Variants in MYO3B observed in about 807,000 individuals in gnomAD.
MYO3B encodes myosin IIIB, also known as myosin-IIIb.
Under a neutral mutation model 174.6 loss-of-function variants are expected in MYO3B, and 156 were observed. That is an observed-to-expected ratio of 0.89 (90% CI 0.78 to 1.02). The LOEUF (loss-of-function observed/expected upper bound fraction) is 1.02, where lower values mean the gene tolerates loss of function less well. MYO3B is among the 50% of genes least tolerant of loss of function. The probability of loss-of-function intolerance (pLI) is 0.00; values close to 1 mark genes in which losing one functional copy is unlikely to be tolerated. For synonymous variants in MYO3B, 563 were observed against 569.1 expected, an observed-to-expected ratio of 0.99 and a Z score of 0.15; for missense variants, 1,632 against 1,639.4, an observed-to-expected ratio of 1.00 and a Z score of 0.08.
intron 32 of MYO3B, among the ~76,000 whole-genome samples, chr2:170,587,350 G>A (rs560053977): frequency 8.5e-5 from 13 of 152,236 alleles, no homozygotes; most frequent in Admixed American, 7.8e-4. Context: ...TTAATCTCAT[G>A]TTGTTTTGTT....
Position 170,402,910 on chromosome 2 carries a change from G to C in MYO3B, c.2192G>C (p.Arg731Thr), listed in dbSNP as rs2094487170. ...LDIFGFENFQ[R>T]NSFEQLCINI... is the part of the protein sequence containing the mutation. Reference sequence around the variant, plus strand: ...ATCTTTGGATTCGAGAATTTTCAGAGAAATTCATTTGAGCAGCTCTGCATA... The same window carrying C: ...ATCTTTGGATTCGAGAATTTTCAGACAAATTCATTTGAGCAGCTCTGCATA... Residue 731 changes from arginine to threonine, a missense_variant, in exon 19 of 35, where the codon AGA becomes ACA. Transcript: ENST00000408978. 1.4e-5 allele frequency: 23 copies of C among 1,612,006 alleles called. No individual in the cohort carries two copies. Among genetic ancestry groups the C allele is most frequent in the Non-Finnish European group, 2.0e-5 (23 of 1,178,494 alleles).
chr2:170,189,584 CT>C (rs1200007642), intron 1 of MYO3B, among the ~76,000 whole-genome samples: 1 of 151,762 alleles, frequency 6.6e-6, no homozygotes, highest in African/African-American at 2.4e-5. Flanking sequence ...CTCACTCATT[CT>C]TTCTTCTGCT....
At chr2:170,250,057 A>G (rs1464438588) in intron 7 of MYO3B, among the ~76,000 whole-genome samples, 1 of 152,158 alleles carries the variant, frequency 6.6e-6, no homozygotes, top group Non-Finnish European at 1.5e-5. Context: ...ATTCAAAATT[A>G]CCATGAAGAC....
intron 7 of MYO3B, among the ~76,000 whole-genome samples, chr2:170,286,622 G>A (rs1404594775): frequency 6.6e-6 from 1 of 151,998 alleles, no homozygotes; most frequent in Non-Finnish European, 1.5e-5. Flanking sequence ...GAGTTATCTG[G>A]AATTGCATAG....
chr2:170,244,168 G>A (rs2093165779), intron 7 of MYO3B, among the ~76,000 whole-genome samples: 1 of 152,166 alleles, frequency 6.6e-6, no homozygotes, highest in South Asian at 2.1e-4. Flanking sequence ...CGTATGACTG[G>A]TCTTGGCTGC....
At chr2:170,355,379 T>C (rs2094112329) in intron 8 of MYO3B, among the ~76,000 whole-genome samples, 1 of 152,246 alleles carries the variant, frequency 6.6e-6, no homozygotes, top group South Asian at 2.1e-4. Flanking sequence ...TCAATTTTAG[T>C]CTTTACCAAA....
chr2:170,340,686 A>G (rs911650939), intron 8 of MYO3B: 1 of 152,168 alleles, frequency 6.6e-6, no homozygotes. Context: ...AACTGGGGAA[A>G]ACTTAGCAAG....
chr2:170,455,664 CTATT>C (rs1683864152), intron 23 of MYO3B, among the ~76,000 whole-genome samples: 1 of 152,172 alleles, frequency 6.6e-6, no homozygotes, highest in Non-Finnish European at 1.5e-5. Flanking sequence ...GTTTTGATAA[CTATT>C]TAAAATTCCA....
chr2:170,614,134 A>G (rs1245203869), intron 32 of MYO3B, among the ~76,000 whole-genome samples: 2 of 152,128 alleles, frequency 1.3e-5, no homozygotes, highest in African/African-American at 2.4e-5. Context: ...GCAATGGGGC[A>G]TAACAAAGGG....
chr2:170,603,636 T>G (rs1027336571), intron 32 of MYO3B, among the ~76,000 whole-genome samples: 1 of 152,216 alleles, frequency 6.6e-6, no homozygotes, highest in Non-Finnish European at 1.5e-5. Flanking sequence ...AGGATGACAG[T>G]TGTCTACTTC....
At chr2:170,616,255 C>G (rs1028663455) in intron 32 of MYO3B, among the ~76,000 whole-genome samples, 1 of 152,144 alleles carries the variant, frequency 6.6e-6, no homozygotes, top group Non-Finnish European at 1.5e-5. Flanking sequence ...CCTATCTTAT[C>G]CATACGGACA....
intron 7 of MYO3B, among the ~76,000 whole-genome samples, chr2:170,289,512 C>A (rs1291613660): frequency 6.6e-6 from 1 of 151,940 alleles, no homozygotes; most frequent in Non-Finnish European, 1.5e-5. Flanking sequence ...TTGTTCATAA[C>A]CATCTCTGAT....
At chr2:170,364,938 C>T (rs2094186997) in intron 8 of MYO3B, among the ~76,000 whole-genome samples, 1 of 152,194 alleles carries the variant, frequency 6.6e-6, no homozygotes, top group South Asian at 2.1e-4. Flanking sequence ...TGGTGGCCTC[C>T]TGACTTACTG....
intron 22 of MYO3B, chr2:170,411,790 G>C (rs1240402836): frequency 6.6e-6 from 1 of 152,214 alleles, no homozygotes; most frequent in Non-Finnish European, 1.5e-5. Flanking sequence ...GCTCCTCCCA[G>C]GTTTCTGCAG....
chr2:170,558,866 T>C (rs1691523838), intron 32 of MYO3B, among the ~76,000 whole-genome samples: 2 of 152,242 alleles, frequency 1.3e-5, no homozygotes, highest in Admixed American at 1.3e-4. Context: ...AATCTCCCTA[T>C]ATCCCTCTTT....
chr2:170,569,945 T>A (rs1692329928), intron 32 of MYO3B, among the ~76,000 whole-genome samples: 1 of 151,706 alleles, frequency 6.6e-6, no homozygotes, highest in African/African-American at 2.4e-5. Flanking sequence ...GAATTCAGAC[T>A]GTTTTGCCAG....
chr2:170,473,270 G>A (rs1315250504), intron 25 of MYO3B, among the ~76,000 whole-genome samples: 2 of 150,284 alleles, frequency 1.3e-5, no homozygotes. Context: ...AGCCTCCCGA[G>A]TAGCTGGGAC....
chr2:170,464,939 T>G (rs1049858806), intron 24 of MYO3B, among the ~76,000 whole-genome samples: 9 of 152,078 alleles, frequency 5.9e-5, no homozygotes, highest in Non-Finnish European at 1.2e-4. Context: ...CCATCTAGGT[T>G]CACTGCAACC....
At chr2:170,434,568 C>T (rs1233919592) in intron 22 of MYO3B, among the ~76,000 whole-genome samples, 1 of 152,004 alleles carries the variant, frequency 6.6e-6, no homozygotes, top group Non-Finnish European at 1.5e-5. Context: ...CGGGTGAGTG[C>T]TTTAGTGGGA....
Sources: allele counts gnomAD v4.1 joint callset (sites outside exome capture counted in the v4.1 genomes callset), GRCh38; gene constraint gnomAD v4.1.1; transcripts MANE v1.5; gene names NCBI Gene and HGNC (gene_info 2026-07-23, HGNC 2026-07-21).